Variants in PCDHGB4 observed in about 807,000 individuals in gnomAD.
The protein encoded by PCDHGB4 is protocadherin gamma subfamily B, 4.
Under a neutral mutation model 60.5 loss-of-function variants are expected in PCDHGB4, and 38 were observed. The observed-to-expected ratio is 0.63, with a 90% CI of 0.48 to 0.82. The LOEUF (loss-of-function observed/expected upper bound fraction) is 0.82. Ranked by LOEUF, PCDHGB4 falls within the 40% of genes least tolerant of loss-of-function variation. The pLI is 0.00. For missense variants in PCDHGB4, 1,109 were observed against 1,209.6 expected, an observed-to-expected ratio of 0.92 and a Z score of 1.23; for synonymous variants, 456 against 509.7, an observed-to-expected ratio of 0.89 and a Z score of 1.42.
intron 1 of PCDHGB4, chr5:141,415,489 C>G: frequency 6.2e-7 from 1 of 1,614,220 alleles, no homozygotes; most frequent in Non-Finnish European, 8.5e-7. Flanking sequence ...AAAGAGTCAC[C>G]TGATCTTCCC....
At chr5:141,499,548 A>G (rs1312910986) in intron 2 of PCDHGB4, among the ~76,000 whole-genome samples, 3 of 152,226 alleles carry the variant, frequency 2.0e-5, no homozygotes, top group African/African-American at 7.2e-5. Flanking sequence ...ATGAACCTGT[A>G]TGATACCACT....
chr5:141,482,740 G>A (rs1288861437), intron 1 of PCDHGB4, among the ~76,000 whole-genome samples: 1 of 127,398 alleles, frequency 7.8e-6, no homozygotes, highest in African/African-American at 3.6e-5. Context: ...GAAATTCCAT[G>A]CAGAGGGATT....
intron 1 of PCDHGB4, among the ~76,000 whole-genome samples, chr5:141,436,998 A>T (rs985067199): frequency 6.6e-6 from 1 of 152,242 alleles, no homozygotes; most frequent in African/African-American, 2.4e-5. Context: ...GTTTACTTCA[A>T]TGGGATCTTA....
In PCDHGB4 at chr5:141,431,985, T is replaced by A. The variant is rs1354693325; in HGVS notation, c.2397+41704T>A. 1 of 1,614,202 alleles carries A rather than the reference T, an allele frequency of 6.2e-7. No homozygotes were observed. The highest frequency in any genetic ancestry group is 1.7e-5 in the Admixed American group (1 of 60,030). ...TACTATAGTTTAGTCACAGACATAG[T>A]CTTGGATAGGGAACAGGTTCCTAGC... On this transcript the variant is annotated intron_variant, in intron 1 of 3. Coordinates refer to ENST00000519479, the MANE Select transcript of PCDHGB4 (RefSeq NM_003736.4). This position sits in a 1 kb window ranked among gnomAD's most constrained non-coding sequence, Gnocchi z 4.8.
rs756146067 is a variant in PCDHGB4, at chr5:141,477,534, G to C, written c.2398-17273G>C. On this transcript the variant is annotated intron_variant, in intron 1 of 3. Transcript: ENST00000519479. This position sits in a 1 kb window ranked among gnomAD's most constrained non-coding sequence, Gnocchi z 4.9. ...TACATTGAAGAAAACAACCTCCCCG[G>C]GGCTCCAATACTAAACCTAAGTGTC... 1.9e-6 allele frequency: 3 copies of C among 1,614,008 alleles called. No homozygotes were observed. Among genetic ancestry groups the C allele is most frequent in the East Asian group, 4.5e-5 (2 of 44,870 alleles).
chr5:141,501,017 C>T (rs1383853662), intron 2 of PCDHGB4, among the ~76,000 whole-genome samples: 5 of 151,866 alleles, frequency 3.3e-5, no homozygotes, highest in African/African-American at 7.3e-5. Flanking sequence ...TACAGGCACG[C>T]GCCACCACGC....
chr5:141,457,694 C>T (rs891323419), intron 1 of PCDHGB4, among the ~76,000 whole-genome samples: 4 of 152,214 alleles, frequency 2.6e-5, no homozygotes, highest in Non-Finnish European at 5.9e-5. Context: ...TTTGGATTGG[C>T]TTTGATGAAA....
chr5:141,489,334 C>T lies in PCDHGB4; in HGVS notation c.2398-5473C>T, dbSNP rs768635851. On this transcript the variant is annotated intron_variant, in intron 1 of 3. Transcript: ENST00000519479. This position sits in a 1 kb window ranked among gnomAD's most constrained non-coding sequence, Gnocchi z 4.5. ...CTGGGGCTGGGTGTCTGGGCAGCTTCGTTACTCAGTGGTGGAGGAGTCTGA... is the reference window on the plus strand; with the variant it reads ...CTGGGGCTGGGTGTCTGGGCAGCTTTGTTACTCAGTGGTGGAGGAGTCTGA... The T allele has an allele frequency of 3.7e-6, 6 of 1,606,732 alleles. No individual in the cohort carries two copies. The highest frequency in any genetic ancestry group is 1.1e-5 in the South Asian group (1 of 90,048).
chr5:141,422,470 T>C, intron 1 of PCDHGB4: 1 of 1,613,440 alleles, frequency 6.2e-7, no homozygotes, highest in Non-Finnish European at 8.5e-7. Flanking sequence ...GGACAGGGAG[T>C]TGGTCCAGAG....
intron 1 of PCDHGB4, chr5:141,421,455 C>G (rs762490406): frequency 6.2e-6 from 10 of 1,614,108 alleles, no homozygotes; most frequent in South Asian, 1.1e-5. Flanking sequence ...CACAGCTTTT[C>G]GCTGTGAATC....
Position 141,490,672 on chromosome 5 carries a change from G to T in PCDHGB4, c.2398-4135G>T. The T allele has an allele frequency of 6.2e-7, 1 of 1,614,114 alleles. No homozygotes were observed. Among genetic ancestry groups the T allele is most frequent in the Non-Finnish European group, 8.5e-7 (1 of 1,179,996 alleles). ...GGGCTCCCTTCTTTGCACTGTGGCT[G>T]CCTCAGATCCAGACACTGGGGATAA... On this transcript the variant is annotated intron_variant, in intron 1 of 3. Coordinates refer to ENST00000519479, the MANE Select transcript of PCDHGB4 (RefSeq NM_003736.4). The surrounding 1 kb of genome is among the most constrained non-coding windows in gnomAD (Gnocchi z 5.4).
chr5:141,421,374 C>G, intron 1 of PCDHGB4: 1 of 1,614,062 alleles, frequency 6.2e-7, no homozygotes, highest in Non-Finnish European at 8.5e-7. Context: ...TGGGCAATAT[C>G]TCCAAGGACC....
At chr5:141,401,561 T>A (rs1436115390) in intron 1 of PCDHGB4, among the ~76,000 whole-genome samples, 1 of 152,230 alleles carries the variant, frequency 6.6e-6, no homozygotes, top group Non-Finnish European at 1.5e-5. Flanking sequence ...ATTGCCTGAA[T>A]TTCTCTTGCT....
chr5:141,478,204 T>C (rs775367944), intron 1 of PCDHGB4: 7 of 1,613,950 alleles, frequency 4.3e-6, no homozygotes, highest in Middle Eastern at 1.6e-4. Context: ...ATCTACTTCT[T>C]TCTCTAATCC....
At chr5:141,454,131 G>A (rs754465889) in intron 1 of PCDHGB4, among the ~76,000 whole-genome samples, 2 of 152,334 alleles carry the variant, frequency 1.3e-5, no homozygotes, top group South Asian at 2.1e-4. Flanking sequence ...AGCTGACCAT[G>A]GGAATGTTCA....
rs2097461148 is a variant in PCDHGB4 at position 141,432,174 on chromosome 5, T to C, written c.2397+41893T>C. ...AACAATCCCAGAGGAGTTTCCCTCGTCTCTGTGACCGCCCACGACCCCGAC... is the reference window on the plus strand; with the variant it reads ...AACAATCCCAGAGGAGTTTCCCTCGCCTCTGTGACCGCCCACGACCCCGAC... On this transcript the variant is annotated intron_variant, in intron 1 of 3. Transcript: ENST00000519479. The surrounding 1 kb of genome is among the most constrained non-coding windows in gnomAD (Gnocchi z 6.0). 1 of 1,614,088 alleles carries C rather than the reference T, an allele frequency of 6.2e-7. No homozygotes were observed. Among genetic ancestry groups the C allele is most frequent in the Non-Finnish European group, 8.5e-7 (1 of 1,180,022 alleles).
rs746045897 is a variant in PCDHGB4, at chr5:141,389,934, G to A, written c.2050G>A (p.Ala684Thr). 1 of 1,614,064 alleles carries A rather than the reference G, an allele frequency of 6.2e-7. No homozygotes were observed. Among genetic ancestry groups the A allele is most frequent in the East Asian group, 2.2e-5 (1 of 44,884 alleles). Reference sequence around the variant, plus strand: ...CCGCCCCGACCCCTCTGACCTCCAGGCTGAGCTGCAGTTTTACCTAGTGGT... The same window carrying A: ...CCGCCCCGACCCCTCTGACCTCCAGACTGAGCTGCAGTTTTACCTAGTGGT... ...TDRPDPSDLQAELQFYLVVAL... is the reference protein window; with the variant it reads ...TDRPDPSDLQTELQFYLVVAL... The change falls in exon 1 of 4, where the codon GCT (alanine) becomes ACT (threonine). Residue 684 changes from alanine (A) to threonine (T), a missense_variant. Ala to Thr is a moderately conservative substitution (Grantham distance 58, BLOSUM62 0). Transcript: ENST00000519479.
chr5:141,412,301 T>C (rs925243467), intron 1 of PCDHGB4: 3 of 152,260 alleles, frequency 2.0e-5, no homozygotes, highest in Non-Finnish European at 2.9e-5. Context: ...TCTTTTCTCA[T>C]TACAATGCAA....
Position 141,510,985 on chromosome 5 carries a change from G to A in PCDHGB4, c.2584G>A (p.Gly862Ser), listed in dbSNP as rs1278517639. Residue 862 changes from glycine to serine, a missense_variant, in exon 4 of 4, where the codon GGC becomes AGC. Transcript: ENST00000519479. ...DGSSTLGGGA[G>S]TMGLSARYGP... ...GAGCTCCACCCTGGGAGGGGGTGCCGGCACCATGGGATTGAGCGCCCGCTA... is the reference window on the plus strand; with the variant it reads ...GAGCTCCACCCTGGGAGGGGGTGCCAGCACCATGGGATTGAGCGCCCGCTA... 19 of 1,614,090 alleles carry A rather than the reference G, an allele frequency of 1.2e-5. No individual in the cohort carries two copies. The highest frequency in any genetic ancestry group is 2.2e-5 in the East Asian group (1 of 44,880).
Sources: allele counts gnomAD v4.1 joint callset (sites outside exome capture counted in the v4.1 genomes callset), GRCh38; gene constraint gnomAD v4.1.1; non-coding constraint Gnocchi (gnomAD v3.1); transcripts MANE v1.5; gene names NCBI Gene and HGNC (gene_info 2026-07-23, HGNC 2026-07-21).